Variants in PLCB4 observed in about 807,000 individuals in gnomAD.
The protein encoded by PLCB4 is phospholipase C beta 4.
In PLCB4, 77 loss-of-function variants were observed where a neutral mutation model predicts 178.8. The observed-to-expected ratio is 0.43, with a 90% CI of 0.36 to 0.52. The LOEUF (loss-of-function observed/expected upper bound fraction) is 0.52. PLCB4 is among the 20% of genes least tolerant of loss of function. The pLI, the probability that PLCB4 is intolerant of heterozygous loss-of-function variation, is 0.00. For synonymous variants in PLCB4, 496 were observed against 490.8 expected (o/e 1.01, Z -0.14); for missense variants, 1,024 against 1,453.4 (o/e 0.70, Z 4.80).
At chr20:9,152,257 G>A (rs1025228952) in intron 2 of PLCB4, among the ~76,000 whole-genome samples, 4 of 152,184 alleles carry the variant, frequency 2.6e-5, no homozygotes, top group South Asian at 2.1e-4. Flanking sequence ...GTAGCAAGGA[G>A]CCTAATGTTA....
intron 2 of PLCB4, among the ~76,000 whole-genome samples, chr20:9,159,422 A>C (rs558323688): frequency 2.6e-4 from 39 of 152,310 alleles, no homozygotes; most frequent in African/African-American, 8.7e-4. Context: ...TGCAAAAAGT[A>C]AAAGGTGTCT....
intron 2 of PLCB4, among the ~76,000 whole-genome samples, chr20:9,117,693 G>T (rs1375431145): frequency 6.6e-6 from 1 of 151,902 alleles, no homozygotes; most frequent in African/African-American, 2.4e-5. Flanking sequence ...CCTGTGCCTC[G>T]GCTACACTGG....
At chr20:9,094,349 A>G (rs1005517964) in intron 1 of PLCB4, among the ~76,000 whole-genome samples, 2 of 152,166 alleles carry the variant, frequency 1.3e-5, no homozygotes, top group Non-Finnish European at 2.9e-5. Flanking sequence ...TTTTTAAACC[A>G]TACCTATAAG....
chr20:9,247,741 T>C (rs2094139729), intron 3 of PLCB4, among the ~76,000 whole-genome samples: 1 of 152,156 alleles, frequency 6.6e-6, no homozygotes, highest in South Asian at 2.1e-4. Flanking sequence ...TATGTAAACA[T>C]AGATTTCCTG....
chr20:9,429,094 A>G (rs1390746390), intron 28 of PLCB4, among the ~76,000 whole-genome samples: 3 of 152,202 alleles, frequency 2.0e-5, no homozygotes, highest in African/African-American at 4.8e-5. Flanking sequence ...AAAAATACAC[A>G]TAAGTAGAGC....
intron 2 of PLCB4, among the ~76,000 whole-genome samples, chr20:9,206,761 A>C (rs1392988506): frequency 6.6e-6 from 1 of 152,238 alleles, no homozygotes; most frequent in African/African-American, 2.4e-5. Flanking sequence ...AGGACCTTGA[A>C]GTTTATGTGT....
chr20:9,211,098 C>G (rs8125638), intron 2 of PLCB4, among the ~76,000 whole-genome samples: 1 of 152,064 alleles, frequency 6.6e-6, no homozygotes, highest in Non-Finnish European at 1.5e-5. Flanking sequence ...TTTTAACCTG[C>G]GATTCATTCG....
rs922910505 is a variant in PLCB4 at position 9,074,419 on chromosome 20, G to C, written c.-135+5213G>C. ...TTCTTATGCTCCTGAACAATTAAAA[G>C]CATGTTTAACAAGTGCTACTGCCCC... On this transcript the variant is annotated intron_variant, in intron 1 of 39. Transcript: ENST00000378473. Among the ~76,000 whole-genome samples the C allele has an allele frequency of 5.9e-5, 9 of 152,224 alleles. No individual in the cohort carries two copies. In the South Asian group the frequency reaches 1.7e-3, roughly 28 times the overall value.
intron 2 of PLCB4, among the ~76,000 whole-genome samples, chr20:9,167,394 T>C (rs2092990748): frequency 6.6e-6 from 1 of 152,210 alleles, no homozygotes; most frequent in African/African-American, 2.4e-5. Context: ...TTCTTTTTCA[T>C]AATTAGTAAT....
At chr20:9,129,605 G>C (rs771419147) in intron 2 of PLCB4, among the ~76,000 whole-genome samples, 15 of 152,130 alleles carry the variant, frequency 9.9e-5, no homozygotes, top group Non-Finnish European at 1.5e-4. Flanking sequence ...TTTACACCCA[G>C]GGATACTCTC....
chr20:9,428,268 C>A (rs2276474), intron 28 of PLCB4, among the ~76,000 whole-genome samples: 12,858 of 152,152 alleles, frequency 0.085, 652 homozygotes, highest in East Asian at 0.27. Context: ...TGTTGAAAAA[C>A]CCAGTTGCAT....
intron 1 of PLCB4, among the ~76,000 whole-genome samples, chr20:9,084,942 G>T (rs1228195907): frequency 6.6e-6 from 1 of 151,862 alleles, no homozygotes; most frequent in African/African-American, 2.4e-5. Flanking sequence ...TGTCCCAGCT[G>T]CTGGGGAGGC....
intron 4 of PLCB4, 50 bp downstream of exon 4, chr20:9,307,948 A>G (rs2094790077): frequency 6.6e-6 from 5 of 757,002 alleles, no homozygotes; most frequent in Non-Finnish European, 1.1e-5. Context: ...AATAATTATT[A>G]AATTTTAATT....
intron 4 of PLCB4, among the ~76,000 whole-genome samples, chr20:9,316,987 G>A (rs1400611958): frequency 6.6e-6 from 1 of 152,120 alleles, no homozygotes; most frequent in Non-Finnish European, 1.5e-5. Flanking sequence ...ATAGAACTGG[G>A]TCAGCATACT....
chr20:9,270,715 G>C (rs1258412946), intron 3 of PLCB4, among the ~76,000 whole-genome samples: 2 of 151,766 alleles, frequency 1.3e-5, no homozygotes, highest in Non-Finnish European at 2.9e-5. Context: ...TTCCTGGGTA[G>C]GATCAAGAAA....
chr20:9,190,622 A>G (rs1179262820), intron 2 of PLCB4, among the ~76,000 whole-genome samples: 5 of 152,202 alleles, frequency 3.3e-5, no homozygotes, highest in African/African-American at 9.7e-5. Context: ...ATGATTAACC[A>G]TCAGGATTTG....
chr20:9,133,762 A>G (rs1473401191), intron 2 of PLCB4, among the ~76,000 whole-genome samples: 1 of 152,198 alleles, frequency 6.6e-6, no homozygotes, highest in Non-Finnish European at 1.5e-5. Flanking sequence ...TGGGTGAATC[A>G]TTCCCATGGA....
intron 2 of PLCB4, among the ~76,000 whole-genome samples, chr20:9,117,833 C>T (rs964311): frequency 1.6e-3 from 242 of 152,306 alleles, no homozygotes; most frequent in African/African-American, 5.5e-3. Flanking sequence ...ATTTTTCTTG[C>T]TCAGCTGTCA....
chr20:9,271,239 C>A (rs2147619491), intron 3 of PLCB4, among the ~76,000 whole-genome samples: 1 of 152,236 alleles, frequency 6.6e-6, no homozygotes, highest in Admixed American at 6.5e-5. Context: ...CCTGACAGTG[C>A]TAAACTTTCT....
Sources: allele counts gnomAD v4.1 joint callset (sites outside exome capture counted in the v4.1 genomes callset), GRCh38; gene constraint gnomAD v4.1.1; transcripts MANE v1.5; gene names NCBI Gene and HGNC (gene_info 2026-07-23, HGNC 2026-07-21).